Variants in ZFHX3 observed in about 807,000 individuals in gnomAD.
ZFHX3 encodes zinc finger homeobox 3.
ZFHX3 carries 42 observed loss-of-function variants against 279.1 expected under a neutral mutation model. The ratio of observed to expected loss-of-function variants is 0.15; its 90% confidence interval spans 0.12 to 0.19. ZFHX3 has a LOEUF of 0.19. Ranked by LOEUF, ZFHX3 falls within the 10% of genes least tolerant of loss-of-function variation. The pLI is 1.00. For synonymous variants in ZFHX3, 2,293 were observed against 1,957.8 expected (o/e 1.17, Z -4.52); for missense variants, 4,981 against 4,754.0 (o/e 1.05, Z -1.40).
chr16:73,168,211 T>TTTTTTC (rs71391499), intron 5 of ZFHX3, among the ~76,000 whole-genome samples: 7 of 95,222 alleles, frequency 7.4e-5, no homozygotes, highest in Non-Finnish European at 1.5e-4. Context: ...GTTTCTTTTG[T>TTTTTTC]TTTCTTTCTT....
chr16:73,120,650 C>CTT (rs1174733016), intron 7 of ZFHX3, among the ~76,000 whole-genome samples: 10,075 of 109,374 alleles, frequency 0.092, 743 homozygotes, highest in South Asian at 0.16. Context: ...TCCTCTCTAC[C>CTT]TTTTTTTTTT....
chr16:72,859,266 T>C (rs77031962), intron 4 of ZFHX3, among the ~76,000 whole-genome samples: 2,935 of 152,314 alleles, frequency 0.019, 39 homozygotes, highest in Non-Finnish European at 0.031. Context: ...TCCTCTTTCT[T>C]TTCCCCTGTC....
rs1048272761 is a variant in ZFHX3, at chr16:72,796,297, C to A, written c.6385G>T (p.Ala2129Ser). Residue 2129 changes from alanine to serine, a missense_variant, in exon 9 of 10, where the codon GCC (alanine) becomes TCC (serine). By Grantham distance (99) the Ala-to-Ser change is moderately conservative (BLOSUM62 1). This residue lies in a region of ZFHX3 where 1,751 missense variants were observed against 1,770.0 expected (regional missense o/e 0.99). Transcript: ENST00000268489. ...GPVEPLPADLAQLYQHQLNPT... is the reference protein window; with the variant it reads ...GPVEPLPADLSQLYQHQLNPT... ...TTGAGCTGATGCTGGTAGAGTTGGG[C>A]CAGGTCCGCAGGCAGAGGCTCCACA... is the stretch of plus-strand genomic sequence containing the variant. 5.6e-6 allele frequency: 9 copies of A among 1,614,060 alleles called. No individual in the cohort carries two copies. Among genetic ancestry groups the A allele is most frequent in the Non-Finnish European group, 7.6e-6 (9 of 1,180,018 alleles).
rs1323266562 is a variant in ZFHX3 at position 73,261,115 on chromosome 16, C to T, written c.-1193-3979G>A. On this transcript the variant is annotated intron_variant, in intron 4 of 17. Coordinates refer to the ZFHX3 transcript ENST00000641206. The stretch of plus-strand genomic sequence containing the variant: ...TTATATAGGATAGCAAAAGATTAGA[C>T]ATAACCTAAAGATCTATTAATAGGA... Among the ~76,000 whole-genome samples, 3 of 152,148 alleles carry T rather than the reference C, an allele frequency of 2.0e-5. No homozygotes were observed. In the East Asian group the frequency reaches 5.8e-4, roughly 29 times the overall value.
upstream of ZFHX3, among the ~76,000 whole-genome samples, chr16:73,049,589 T>TATTC (rs1965412236): frequency 6.6e-6 from 1 of 150,948 alleles, no homozygotes; most frequent in Non-Finnish European, 1.5e-5. Flanking sequence ...TGGGGAAATT[T>TATTC]ATTTATTTAT....
chr16:73,532,569 A>G (rs1044550982), intron 2 of ZFHX3, among the ~76,000 whole-genome samples: 1 of 152,182 alleles, frequency 6.6e-6, no homozygotes, highest in African/African-American at 2.4e-5. Flanking sequence ...CTGGTACATA[A>G]GAGGAGGGCT....
intron 2 of ZFHX3, among the ~76,000 whole-genome samples, chr16:73,623,505 T>C (rs2052387829): frequency 6.6e-6 from 1 of 152,156 alleles, no homozygotes. Context: ...AACAGGCAAG[T>C]ATTGATGTTG....
chr16:73,451,752 A>T (rs8060441), intron 3 of ZFHX3, among the ~76,000 whole-genome samples: 3,902 of 152,310 alleles, frequency 0.026, 158 homozygotes, highest in African/African-American at 0.088. Context: ...TTTTGGGCAT[A>T]AAAGAATTTT....
chr16:72,891,324 T>C (rs970782895), intron 3 of ZFHX3, among the ~76,000 whole-genome samples: 7 of 152,086 alleles, frequency 4.6e-5, no homozygotes, highest in African/African-American at 1.7e-4. Flanking sequence ...ACAGACAGGA[T>C]TCATGTCTGG....
At chr16:73,070,823 C>T (rs1160659190) in intron 8 of ZFHX3, among the ~76,000 whole-genome samples, 1 of 151,764 alleles carries the variant, frequency 6.6e-6, no homozygotes, top group Non-Finnish European at 1.5e-5. Context: ...TCCCCCACCA[C>T]TCACGCCTTC....
At chr16:73,016,807 G>T (rs36096594) in intron 1 of ZFHX3, among the ~76,000 whole-genome samples, 7,429 of 152,106 alleles carry the variant, frequency 0.049, 210 homozygotes, top group Middle Eastern at 0.088. Context: ...GGTGACAGCA[G>T]AGTGGCTCCG....
chr16:73,082,780 C>T (rs1241547135), intron 8 of ZFHX3, among the ~76,000 whole-genome samples: 1 of 152,078 alleles, frequency 6.6e-6, no homozygotes, highest in Non-Finnish European at 1.5e-5. Flanking sequence ...CTTTGAAATG[C>T]AGTGTGATGA....
chr16:72,945,516 G>A (rs139356834), intron 3 of ZFHX3, among the ~76,000 whole-genome samples: 22 of 152,232 alleles, frequency 1.4e-4, no homozygotes, highest in African/African-American at 4.3e-4. Context: ...AGGAGAAGGA[G>A]GGCATGCAGG....
intron 3 of ZFHX3, 91 bp downstream of exon 3, chr16:72,950,378 G>A: frequency 6.5e-7 from 1 of 1,544,446 alleles, no homozygotes. Flanking sequence ...GCCAGAGACT[G>A]TCCGACTCCT....
intron 4 of ZFHX3, among the ~76,000 whole-genome samples, chr16:72,854,297 C>T (rs73590718): frequency 4.6e-5 from 7 of 152,278 alleles, no homozygotes; most frequent in South Asian, 2.1e-4. Context: ...AGTGGTTAGC[C>T]GGCCTGGCAC....
intron 1 of ZFHX3, among the ~76,000 whole-genome samples, chr16:73,776,464 A>C (rs1374226861): frequency 2.6e-5 from 4 of 152,232 alleles, no homozygotes; most frequent in Non-Finnish European, 5.9e-5. Flanking sequence ...AGATCTTTAA[A>C]AAAACATACA....
chr16:73,417,991 A>G (rs2017627894), intron 3 of ZFHX3, among the ~76,000 whole-genome samples: 1 of 145,254 alleles, frequency 6.9e-6, no homozygotes, highest in Non-Finnish European at 1.5e-5. Context: ...TCCATCTCAA[A>G]AAAAAAAAAA....
At chr16:73,044,290 T>A (rs1387988910) in intron 1 of ZFHX3, among the ~76,000 whole-genome samples, 1 of 152,158 alleles carries the variant, frequency 6.6e-6, no homozygotes, top group African/African-American at 2.4e-5. Flanking sequence ...TCCTGTTGTG[T>A]TTTTACAGTA....
chr16:73,049,653 T>C (rs1471022420), upstream of ZFHX3, among the ~76,000 whole-genome samples: 9 of 152,102 alleles, frequency 5.9e-5, no homozygotes, highest in East Asian at 1.7e-3. Context: ...GGGAATCATG[T>C]CCGATTAGGG....
Sources: gnomAD v4.1 joint callset for allele counts (sites outside exome capture counted in the v4.1 genomes callset) on GRCh38, gnomAD v4.1.1 for gene constraint, gnomAD v4.1.1 regional missense constraint, MANE v1.5 for transcripts, NCBI Gene and HGNC (gene_info 2026-07-23, HGNC 2026-07-21) for gene names.